TMEM232: variants seen among roughly 807,000 people sequenced by gnomAD.
TMEM232 encodes transmembrane protein 232.
In TMEM232, 80 loss-of-function variants were observed where a neutral mutation model predicts 78.8. The observed-to-expected ratio is 1.01, with a 90% confidence interval of 0.85 to 1.22. The LOEUF (loss-of-function observed/expected upper bound fraction) is 1.22. Ranked by LOEUF, TMEM232 falls within the 50% of genes most tolerant of loss-of-function variation. The probability of loss-of-function intolerance (pLI) is 0.00; values close to 1 mark genes in which losing one functional copy is unlikely to be tolerated. For missense variants in TMEM232, 881 were observed against 742.2 expected, an observed-to-expected ratio of 1.19 and a Z score of -2.17; for synonymous variants, 297 against 254.3, an observed-to-expected ratio of 1.17 and a Z score of -1.60.
At chr5:110,596,592 G>A (rs1321423516) in intron 10 of TMEM232, among the ~76,000 whole-genome samples, 1 of 152,182 alleles carries the variant, frequency 6.6e-6, no homozygotes. Flanking sequence ...TATCCTTGAT[G>A]AACATTCATG....
At chr5:110,717,319 C>A (rs563470233) in intron 1 of TMEM232, among the ~76,000 whole-genome samples, 1 of 151,992 alleles carries the variant, frequency 6.6e-6, no homozygotes, top group Non-Finnish European at 1.5e-5. Context: ...GTCCAAGAAT[C>A]CAAGATCTGA....
rs1043334727 is a variant in TMEM232 at position 110,447,721 on chromosome 5, GA to G, written c.1704-22806del. 5.9e-5 allele frequency among the ~76,000 whole-genome samples: 9 copies of G among 151,788 alleles called. No homozygotes were observed. In the East Asian group the frequency reaches 7.7e-4, roughly 13 times the overall value. ...AGTCGCAAGAATAGAAAAGTCAGAGGAAAAAAAGATTTGAAATGAAGAAGCA... is the reference window on the plus strand; with the variant it reads ...AGTCGCAAGAATAGAAAAGTCAGAGGAAAAAAGATTTGAAATGAAGAAGCA... On this transcript the variant is annotated intron_variant, in intron 12 of 13. Coordinates refer to ENST00000455884, the MANE Select transcript of TMEM232 (RefSeq NM_001039763.4).
chr5:110,456,386 A>G (rs1221678786), intron 12 of TMEM232, among the ~76,000 whole-genome samples: 2 of 152,130 alleles, frequency 1.3e-5, no homozygotes, highest in East Asian at 3.9e-4. Context: ...AAAATTGATA[A>G]AAGAAATCAA....
At chr5:110,673,709 G>T (rs1580612641) in intron 1 of TMEM232, among the ~76,000 whole-genome samples, 1 of 152,146 alleles carries the variant, frequency 6.6e-6, no homozygotes. Flanking sequence ...TGGATCATTG[G>T]ATTCTGAAGT....
chr5:110,638,188 C>G lies in TMEM232; in HGVS notation c.501+10G>C. 1 of 1,528,798 alleles carries G rather than the reference C, an allele frequency of 6.5e-7. No homozygotes were observed. The highest frequency in any genetic ancestry group is 1.3e-5 in the South Asian group (1 of 79,376). The allele number at this position is 1,528,798 out of a possible 1,614,324, so 94.7% of individuals were successfully genotyped here. A position where few individuals can be genotyped will look rare whatever the true frequency, so the allele number is the denominator to read the frequency against. On this transcript the variant is annotated intron_variant, in intron 5 of 13. Coordinates refer to ENST00000455884, the MANE Select transcript of TMEM232 (RefSeq NM_001039763.4). ...TATTTAAAAACATTAAGAAGTTTTT[C>G]AAAACATACCTTTGCTAGCTTTATT...
intron 12 of TMEM232, among the ~76,000 whole-genome samples, chr5:110,467,752 A>T (rs771621142): frequency 1.3e-5 from 2 of 152,206 alleles, no homozygotes; most frequent in Non-Finnish European, 2.9e-5. Context: ...AATAAATAAA[A>T]ATATATTTTC....
intron 12 of TMEM232, among the ~76,000 whole-genome samples, chr5:110,480,644 G>C (rs555094834): frequency 6.6e-6 from 1 of 152,124 alleles, no homozygotes; most frequent in African/African-American, 2.4e-5. Context: ...TGTTTGAACT[G>C]GTTCTCTATA....
At position 110,466,898 on chromosome 5, in the gene TMEM232, T is replaced by TTGTG. The variant is rs36031837; in HGVS notation, c.1704-41986_1704-41983dup. Among the ~76,000 whole-genome samples, 83 of 149,770 alleles carry TTGTG rather than the reference T, an allele frequency of 5.5e-4. 1 individual carries two copies. The highest frequency in any genetic ancestry group is 1.7e-3 in the African/African-American group (69 of 40,908). On this transcript the variant is annotated intron_variant, in intron 12 of 13. Transcript: ENST00000455884. ...CTTAATGTTGCTTGAACTATAGTAT[T>TTGTG]TGTGTGTGTGTGTGTGTGTGGTGTA... is the stretch of plus-strand genomic sequence containing the variant.
intron 1 of TMEM232, among the ~76,000 whole-genome samples, chr5:110,681,768 G>A (rs1337939854): frequency 6.6e-6 from 1 of 152,200 alleles, no homozygotes; most frequent in African/African-American, 2.4e-5. Context: ...CAGTAATGGA[G>A]TTCAAACATT....
intron 12 of TMEM232, among the ~76,000 whole-genome samples, chr5:110,480,726 G>C (rs1458919248): frequency 6.6e-6 from 1 of 152,022 alleles, no homozygotes; most frequent in Non-Finnish European, 1.5e-5. Context: ...GGAATGAGAT[G>C]TGAATAGTGA....
At chr5:110,700,786 GTAGATAGATAGATAGA>G (rs34938658) in intron 1 of TMEM232, among the ~76,000 whole-genome samples, 8 of 142,496 alleles carry the variant, frequency 5.6e-5, no homozygotes, top group South Asian at 2.3e-4. Flanking sequence ...AGATAGATAG[GTAGATAGATAGATAGA>G]TAGATAGATA....
chr5:110,725,510 C>T (rs926757590), intron 1 of TMEM232: 3 of 152,128 alleles, frequency 2.0e-5, no homozygotes, highest in Non-Finnish European at 2.9e-5. Flanking sequence ...ATGAATCAGA[C>T]GTTCAGCAAG....
At chr5:110,728,360 C>T (rs372007241), upstream of TMEM232, among the ~76,000 whole-genome samples, 31 of 151,664 alleles carry the variant, frequency 2.0e-4, 2 homozygotes, top group East Asian at 3.9e-3. Context: ...GATAAATTTG[C>T]CATTTTAACT....
Position 110,640,984 on chromosome 5 carries a change from G to T in TMEM232, c.250C>A (p.Leu84Ile). 6.5e-7 allele frequency: 1 copy of T among 1,527,386 alleles called. No individual in the cohort carries two copies. Among genetic ancestry groups the T allele is most frequent in the Non-Finnish European group, 8.8e-7 (1 of 1,136,210 alleles). 94.6% of individuals were successfully genotyped at this position (1,527,386 alleles called of 1,614,324 possible). Reference sequence around the variant, plus strand: ...TGCCTTCCAGAGCCCAGGGTTTTGAGACCCAATTTTCTCTGTTATGAGGAA... The same window carrying T: ...TGCCTTCCAGAGCCCAGGGTTTTGATACCCAATTTTCTCTGTTATGAGGAA... ...IILRCKRKLGLKTLGSGRHVH... is the reference protein window; with the variant it reads ...IILRCKRKLGIKTLGSGRHVH... Residue 84 changes from leucine (L) to isoleucine (I), a missense_variant, in exon 4 of 14, where the codon CTC (leucine) becomes ATC (isoleucine). Leu to Ile is a conservative substitution (Grantham distance 5). Coordinates refer to ENST00000455884, the MANE Select transcript of TMEM232 (RefSeq NM_001039763.4).
chr5:110,618,380 C>T, intron 8 of TMEM232, 49 bp downstream of exon 8: 1 of 1,540,728 alleles, frequency 6.5e-7, no homozygotes. Context: ...AACATTTAAG[C>T]ACAAAGATTT....
chr5:110,456,615 G>C (rs1319450930), intron 12 of TMEM232, among the ~76,000 whole-genome samples: 1 of 152,002 alleles, frequency 6.6e-6, no homozygotes, highest in African/African-American at 2.4e-5. Context: ...AATACTATCT[G>C]GTTTCAAGCC....
intron 10 of TMEM232, among the ~76,000 whole-genome samples, chr5:110,600,528 TA>T (rs1229163748): frequency 6.6e-6 from 1 of 152,092 alleles, no homozygotes; most frequent in Non-Finnish European, 1.5e-5. Flanking sequence ...GAGAATACTA[TA>T]AACACCTTTA....
At chr5:110,511,249 G>A (rs565069557) in intron 12 of TMEM232, among the ~76,000 whole-genome samples, 20 of 152,098 alleles carry the variant, frequency 1.3e-4, no homozygotes, top group African/African-American at 3.6e-4. Context: ...AACAATGAGA[G>A]TACATGGGCA....
At chr5:110,606,738 C>G (rs1781591357) in intron 8 of TMEM232, among the ~76,000 whole-genome samples, 1 of 151,842 alleles carries the variant, frequency 6.6e-6, no homozygotes, top group Non-Finnish European at 1.5e-5. Context: ...ATTCAACACT[C>G]TTTGATTTTG....
Sources: gnomAD v4.1 joint callset for allele counts (sites outside exome capture counted in the v4.1 genomes callset) on GRCh38, gnomAD v4.1.1 for gene constraint, MANE v1.5 for transcripts, NCBI Gene and HGNC (gene_info 2026-07-23, HGNC 2026-07-21) for gene names.